Variants in SIPA1L3 observed in about 807,000 individuals in gnomAD.
SIPA1L3 encodes the protein signal induced proliferation associated 1 like 3.
Under a neutral mutation model 150.1 loss-of-function variants are expected in SIPA1L3, and 59 were observed. The ratio of observed to expected loss-of-function variants is 0.39; its 90% CI spans 0.32 to 0.49. The LOEUF is 0.49. SIPA1L3 is among the 20% of genes least tolerant of loss of function. SIPA1L3 has a pLI of 0.86. For missense variants in SIPA1L3, 2,211 were observed against 2,489.5 expected, an observed-to-expected ratio of 0.89 and a Z score of 2.38; for synonymous variants, 1,070 against 1,077.6, an observed-to-expected ratio of 0.99 and a Z score of 0.14.
At chr19:38,069,717 T>C (rs1969673812) in intron 2 of SIPA1L3, among the ~76,000 whole-genome samples, 1 of 151,978 alleles carries the variant, frequency 6.6e-6, no homozygotes, top group Non-Finnish European at 1.5e-5. Context: ...CAGGCTGGAG[T>C]GCAGTGGTGC....
At chr19:37,982,187 G>A (rs891649684) in intron 1 of SIPA1L3, among the ~76,000 whole-genome samples, 1 of 152,106 alleles carries the variant, frequency 6.6e-6, no homozygotes, top group Non-Finnish European at 1.5e-5. Context: ...TCAAAGTCGA[G>A]AGGCAGGCTC....
In SIPA1L3 at chr19:38,084,131, TG is replaced by T. The variant is rs966544191; in HGVS notation, c.1534+1034del. ...GTATGGTCAGTCTTAAGCATCAGTA[TG>T]GTCAGCCTTAGTGCATGGCATGATC... On this transcript the variant is annotated intron_variant, in intron 3 of 21. Coordinates refer to ENST00000222345, the MANE Select transcript of SIPA1L3 (RefSeq NM_015073.3). 1.9e-3 allele frequency among the ~76,000 whole-genome samples: 176 copies of T among 90,984 alleles called. 1 individual carries two copies. The highest frequency in any genetic ancestry group is 0.016 in the African/African-American group (165 of 10,568). The allele number at this position is 90,984 out of a possible 152,430, so 59.7% of individuals were successfully genotyped here. A position where few individuals can be genotyped will look rare whatever the true frequency, so the allele number is the denominator to read the frequency against.
At chr19:38,089,891 A>G (rs1224679324) in intron 4 of SIPA1L3, among the ~76,000 whole-genome samples, 1 of 152,258 alleles carries the variant, frequency 6.6e-6, no homozygotes, top group Non-Finnish European at 1.5e-5. Flanking sequence ...TGCAGTCTCC[A>G]GAACTCTGCT....
In SIPA1L3 at chr19:38,130,539, G is replaced by T; in HGVS notation, c.2910G>T (p.Arg970=). The T allele has an allele frequency of 6.2e-7, 1 of 1,613,510 alleles. No individual in the cohort carries two copies. ...SGWETVDMTL[R]RNGLGQLGFH... is the part of the protein sequence containing the mutation. The stretch of plus-strand genomic sequence containing the variant: ...GGGAGACGGTGGACATGACGCTTCG[G>T]CGGAACGGGCTCGGGCAGCTGGGCT... Residue 970 remains arginine, a synonymous_variant, in exon 10 of 22, where the codon CGG becomes CGT. Transcript: ENST00000222345.
chr19:37,939,314 T>G (rs1204202959), intron 1 of SIPA1L3, among the ~76,000 whole-genome samples: 1 of 151,130 alleles, frequency 6.6e-6, no homozygotes, highest in Non-Finnish European at 1.5e-5. Context: ...GGTAGGAGAA[T>G]TGCTTGAATC....
At chr19:38,193,386 G>T in intron 17 of SIPA1L3, 151 bp from the exon 18 acceptor site, 1 of 836,512 alleles carries the variant, frequency 1.2e-6, no homozygotes, top group Non-Finnish European at 1.6e-6. Flanking sequence ...AGGGAGGAAG[G>T]GAGGGAGGGA....
At chr19:38,034,085 C>A (rs1408068133) in intron 2 of SIPA1L3, among the ~76,000 whole-genome samples, 1 of 152,004 alleles carries the variant, frequency 6.6e-6, no homozygotes, top group African/African-American at 2.4e-5. Context: ...TGATCTTTCC[C>A]CTCATGGACA....
chr19:38,075,783 GA>G (rs993437753), intron 2 of SIPA1L3, among the ~76,000 whole-genome samples: 6 of 142,854 alleles, frequency 4.2e-5, no homozygotes, highest in East Asian at 2.0e-4. Context: ...CTGTCTCAAA[GA>G]AAAAAAAAAC....
At chr19:38,202,659 A>C (rs1329570348) in intron 20 of SIPA1L3, among the ~76,000 whole-genome samples, 5 of 152,088 alleles carry the variant, frequency 3.3e-5, no homozygotes, top group South Asian at 2.1e-4. Flanking sequence ...GCCTCTCGTC[A>C]GCCCCGTCGC....
chr19:38,206,606 G>A lies in SIPA1L3; in HGVS notation c.*366G>A, dbSNP rs891871137. 3 of 185,240 alleles carry A rather than the reference G, an allele frequency of 1.6e-5. No individual in the cohort carries two copies. The highest frequency in any genetic ancestry group is 6.1e-5 in the Admixed American group (1 of 16,274). 11.5% of individuals were successfully genotyped at this position (185,240 alleles called of 1,614,324 possible). A position where few individuals can be genotyped will look rare whatever the true frequency, so the allele number is the denominator to read the frequency against. ...AGAGGAGCCAGTCTCCAGACGCCTC[G>A]GCTCCAGGAGGTCACACAGCAGGTT... On this transcript the variant is annotated 3_prime_UTR_variant, in exon 22 of 22. Transcript: ENST00000222345.
At chr19:38,191,844 G>A (rs1461251462) in intron 16 of SIPA1L3, among the ~76,000 whole-genome samples, 1 of 152,100 alleles carries the variant, frequency 6.6e-6, no homozygotes, top group Non-Finnish European at 1.5e-5. Context: ...CCTCACACAG[G>A]GGGTCTGTCT....
In SIPA1L3 at chr19:38,046,619, C is replaced by A. The variant is rs1050228372; in HGVS notation, c.-311+17463C>A. 1.3e-5 allele frequency among the ~76,000 whole-genome samples: 2 copies of A among 152,174 alleles called. No homozygotes were observed. Among genetic ancestry groups the A allele is most frequent in the Non-Finnish European group, 2.9e-5 (2 of 68,034 alleles). ...GTTTTGGGAGGCCCTGTGCCACAAC[C>A]CCCCAGCAAGAGCCCACATGAATCC... On this transcript the variant is annotated intron_variant, in intron 2 of 21. Transcript: ENST00000222345. The surrounding 1 kb of genome is among the most constrained non-coding windows in gnomAD (Gnocchi z 5.6).
intron 10 of SIPA1L3, among the ~76,000 whole-genome samples, chr19:38,135,509 A>G (rs1971417076): frequency 6.6e-6 from 1 of 152,090 alleles, no homozygotes; most frequent in Non-Finnish European, 1.5e-5. Flanking sequence ...ACACACTCCC[A>G]CGGGTGCACA....
In SIPA1L3 at chr19:38,192,253, C is replaced by T. The variant is rs1248615625; in HGVS notation, c.4539C>T (p.Asp1513=). The part of the protein sequence containing the change: ...RKNYKSTIED[D]LKKLIIMDNL... ...ACTACAAATCCACCATCGAGGATGA[C>T]CTGAAGAAACTCATCATCATGGACA... The change falls in exon 17 of 22, where the codon GAC becomes GAT. Residue 1513 remains aspartate (D), a synonymous_variant. Transcript: ENST00000222345. The T allele has an allele frequency of 6.2e-7, 1 of 1,613,490 alleles. No homozygotes were observed. Among genetic ancestry groups the T allele is most frequent in the African/African-American group, 1.3e-5 (1 of 74,850 alleles).
At chr19:38,016,886 CTTTTTTT>C (rs58459050) in intron 1 of SIPA1L3, among the ~76,000 whole-genome samples, 2 of 69,106 alleles carry the variant, frequency 2.9e-5, no homozygotes, top group South Asian at 5.6e-4. Flanking sequence ...CCTCCTCTGG[CTTTTTTT>C]TTTTTTTTTT....
At position 38,082,044 on chromosome 19, in the gene SIPA1L3, G is replaced by T; in HGVS notation, c.479G>T (p.Gly160Val). Residue 160 changes from glycine to valine, a missense_variant, in exon 3 of 22, where the codon GGC becomes GTC. Physicochemically the swap from Gly to Val is moderately radical, Grantham distance 109. Transcript: ENST00000222345. ...CAGGACGGGTGGCCCCGGTCCCCCG[G>T]CAGGGCCTTCCTCCCCCTTCGGCAC... ...EFQDGWPRSP[G>V]RAFLPLRHRS... The T allele has an allele frequency of 6.2e-7, 1 of 1,613,952 alleles. No individual in the cohort carries two copies. The highest frequency in any genetic ancestry group is 2.2e-5 in the East Asian group (1 of 44,878).
chr19:38,098,179 G>A (rs1301515747), intron 4 of SIPA1L3, among the ~76,000 whole-genome samples: 5 of 152,178 alleles, frequency 3.3e-5, no homozygotes, highest in Non-Finnish European at 7.3e-5. Flanking sequence ...TGGCTGCAAA[G>A]CGATAGAAAA....
Position 38,065,874 on chromosome 19 carries a change from G to A in SIPA1L3, c.-310-15382G>A, listed in dbSNP as rs180842085. 6.0e-4 allele frequency among the ~76,000 whole-genome samples: 72 copies of A among 120,192 alleles called. 1 individual carries two copies. In the East Asian group the frequency reaches 8.6e-3, roughly 14 times the overall value. 78.9% of individuals were successfully genotyped at this position (120,192 alleles called of 152,430 possible). A position where few individuals can be genotyped will look rare whatever the true frequency, so the allele number is the denominator to read the frequency against. On this transcript the variant is annotated intron_variant, in intron 2 of 21. Coordinates refer to ENST00000222345, the MANE Select transcript of SIPA1L3 (RefSeq NM_015073.3). ...TTTATTTATTTATTTTTGAGGCAAC[G>A]TCTTGCTCTGTTGCCCGGGTTTGAT...
At position 38,119,418 on chromosome 19, in the gene SIPA1L3, A is replaced by G; in HGVS notation, c.2404A>G (p.Asn802Asp). Reference sequence around the variant, plus strand: ...AGACTTCTTGCTGGCCAAGGTGATTAACGCTGAGAACGCCGCGCACAAGTC... The same window carrying G: ...AGACTTCTTGCTGGCCAAGGTGATTGACGCTGAGAACGCCGCGCACAAGTC... ...FRDFLLAKVI[N>D]AENAAHKSDK... The change falls in exon 9 of 22, where the codon AAC (asparagine) becomes GAC (aspartate). Residue 802 changes from asparagine to aspartate, a missense_variant. Transcript: ENST00000222345. 6.2e-7 allele frequency: 1 copy of G among 1,614,160 alleles called. No individual in the cohort carries two copies. Among genetic ancestry groups the G allele is most frequent in the Non-Finnish European group, 8.5e-7 (1 of 1,180,038 alleles).
Sources: gnomAD v4.1 joint callset for allele counts (sites outside exome capture counted in the v4.1 genomes callset) on GRCh38, gnomAD v4.1.1 for gene constraint, Gnocchi (gnomAD v3.1) non-coding constraint, MANE v1.5 for transcripts, NCBI Gene and HGNC (gene_info 2026-07-23, HGNC 2026-07-21) for gene names.